Variants in SULF1 observed in about 807,000 individuals in gnomAD.
The protein encoded by SULF1 is sulfatase 1, also known as extracellular sulfatase Sulf-1.
Under a neutral mutation model 110.5 loss-of-function variants are expected in SULF1, and 46 were observed. The ratio of observed to expected loss-of-function variants is 0.42; its 90% confidence interval spans 0.33 to 0.53. SULF1 has a LOEUF of 0.53. SULF1 is among the 20% of genes least tolerant of loss of function. The pLI is 0.12. For missense variants in SULF1, 941 were observed against 1,094.2 expected (o/e 0.86, Z 1.98); for synonymous variants, 371 against 387.1 (o/e 0.96, Z 0.49).
chr8:69,600,300 A>G (rs763055324), intron 8 of SULF1, among the ~76,000 whole-genome samples: 28 of 152,116 alleles, frequency 1.8e-4, no homozygotes, highest in Non-Finnish European at 3.8e-4. Context: ...ACATAACCAT[A>G]ATCATCTTGG....
chr8:69,520,664 CT>C (rs1203332216), intron 3 of SULF1, among the ~76,000 whole-genome samples: 3 of 152,164 alleles, frequency 2.0e-5, no homozygotes, highest in Non-Finnish European at 4.4e-5. Context: ...ACATTTCCCC[CT>C]TTGGTTTACA....
rs149994968 is a variant in SULF1, at chr8:69,660,012, G to A, written c.*1477G>A. 97 of 152,680 alleles carry A rather than the reference G, an allele frequency of 6.4e-4. No homozygotes were observed. The highest frequency in any genetic ancestry group is 3.4e-4 in the Non-Finnish European group (23 of 68,026). The allele number at this position is 152,680 out of a possible 1,614,324, so 9.5% of individuals were successfully genotyped here. A position where few individuals can be genotyped will look rare whatever the true frequency, so the allele number is the denominator to read the frequency against. ...TAAAATCGATTAGCAGAAAGGCATG[G>A]CTAATAATGTTGGTGGTGAAAATAA... is the stretch of plus-strand genomic sequence containing the variant. On this transcript the variant is annotated 3_prime_UTR_variant, in exon 23 of 23. Coordinates refer to ENST00000402687, the MANE Select transcript of SULF1 (RefSeq NM_001128205.2).
intron 3 of SULF1, among the ~76,000 whole-genome samples, chr8:69,537,981 G>C (rs1174762676): frequency 1.4e-5 from 2 of 138,980 alleles, no homozygotes; most frequent in Non-Finnish European, 3.1e-5. Context: ...TTTTTTTTTA[G>C]ACGGAGTCTC....
upstream of SULF1, among the ~76,000 whole-genome samples, chr8:69,492,459 A>C (rs1412855536): frequency 6.6e-6 from 1 of 152,196 alleles, no homozygotes; most frequent in Non-Finnish European, 1.5e-5. Flanking sequence ...ATCAGTGTTT[A>C]CTAAGCACTT....
chr8:69,502,979 A>G (rs1978928), intron 3 of SULF1, among the ~76,000 whole-genome samples: 121,641 of 151,996 alleles, frequency 0.8, 48,718 homozygotes, highest in East Asian at 0.9. Context: ...GAGCCACCAC[A>G]ACCAGCCTGC....
chr8:69,507,423 A>G (rs892163471), intron 3 of SULF1, among the ~76,000 whole-genome samples: 23 of 152,156 alleles, frequency 1.5e-4, no homozygotes, highest in African/African-American at 5.6e-4. Context: ...CAAATATTCA[A>G]TTTTAGGTTC....
chr8:69,533,647 C>G (rs77813747), intron 3 of SULF1, among the ~76,000 whole-genome samples: 14,036 of 152,140 alleles, frequency 0.092, 1,251 homozygotes, highest in East Asian at 0.41. Context: ...TTTATCCAGT[C>G]TATCATTGAT....
intron 3 of SULF1, among the ~76,000 whole-genome samples, chr8:69,530,474 T>C (rs1295258976): frequency 6.6e-6 from 1 of 152,170 alleles, no homozygotes; most frequent in Non-Finnish European, 1.5e-5. Flanking sequence ...CCACTCCTTA[T>C]TACAAATAAA....
chr8:69,508,984 G>A (rs1407190233), intron 3 of SULF1, among the ~76,000 whole-genome samples: 2 of 152,152 alleles, frequency 1.3e-5, no homozygotes, highest in East Asian at 3.8e-4. Context: ...TGTGCTGAGA[G>A]TCAAGATATC....
At position 69,568,584 on chromosome 8, in the gene SULF1, A is replaced by G. The variant is rs1327517624; in HGVS notation, c.172+4437A>G. ...GAGTTGGGTGGGTAGGACAAAGATC[A>G]TCATCCCAGGAGGAAACAGCCTGTG... On this transcript the variant is annotated intron_variant, in intron 5 of 22. Coordinates refer to ENST00000402687, the MANE Select transcript of SULF1 (RefSeq NM_001128205.2). Among the ~76,000 whole-genome samples, 4 of 152,246 alleles carry G rather than the reference A, an allele frequency of 2.6e-5. No homozygotes were observed. In the East Asian group the frequency reaches 7.7e-4, roughly 29 times the overall value.
At chr8:69,643,692 T>C (rs1318578954) in intron 22 of SULF1, among the ~76,000 whole-genome samples, 2 of 152,206 alleles carry the variant, frequency 1.3e-5, no homozygotes, top group Non-Finnish European at 2.9e-5. Context: ...TCTTTTCTTT[T>C]CTCTTCCTTT....
intron 6 of SULF1, among the ~76,000 whole-genome samples, chr8:69,577,822 G>C (rs56401903): frequency 6.6e-6 from 1 of 152,026 alleles, no homozygotes; most frequent in Non-Finnish European, 1.5e-5. Flanking sequence ...TGAGCTAGTC[G>C]GTGATGGAAT....
At chr8:69,591,655 ATG>A (rs1280584563) in intron 8 of SULF1, among the ~76,000 whole-genome samples, 2 of 152,294 alleles carry the variant, frequency 1.3e-5, no homozygotes, top group African/African-American at 4.8e-5. Flanking sequence ...TCAGTGCCAC[ATG>A]TGACACTATG....
intron 1 of SULF1, among the ~76,000 whole-genome samples, chr8:69,480,464 TC>T (rs1809471449): frequency 6.6e-6 from 1 of 152,210 alleles, no homozygotes; most frequent in Admixed American, 6.5e-5. Flanking sequence ...AGTTGAACTG[TC>T]CCCTTAGTAA....
At position 69,621,022 on chromosome 8, in the gene SULF1, T is replaced by C. The variant is rs370932856; in HGVS notation, c.1378-13T>C. ...GCAGAATCGGTAAACTGCTTTCACGTTGGCTTTTGCAGAAGTGGCAATGCA... is the reference window on the plus strand; with the variant it reads ...GCAGAATCGGTAAACTGCTTTCACGCTGGCTTTTGCAGAAGTGGCAATGCA... On this transcript the variant is annotated splice_polypyrimidine_tract_variant and intron_variant, in intron 13 of 22. Coordinates refer to ENST00000402687, the MANE Select transcript of SULF1 (RefSeq NM_001128205.2). 1.3e-6 allele frequency: 2 copies of C among 1,584,036 alleles called. No individual in the cohort carries two copies. The highest frequency in any genetic ancestry group is 1.1e-5 in the South Asian group (1 of 88,870).
chr8:69,545,018 A>G (rs974378512), intron 3 of SULF1, among the ~76,000 whole-genome samples: 1 of 152,126 alleles, frequency 6.6e-6, no homozygotes, highest in Non-Finnish European at 1.5e-5. Context: ...TAAAGAAGCT[A>G]AAGAGCAATT....
At chr8:69,555,929 T>G (rs892666398) in intron 3 of SULF1, among the ~76,000 whole-genome samples, 2 of 152,224 alleles carry the variant, frequency 1.3e-5, no homozygotes, top group African/African-American at 4.8e-5. Flanking sequence ...TAAAAATTTT[T>G]GCATTGCGCC....
At chr8:69,528,634 G>C (rs1405869658) in intron 3 of SULF1, among the ~76,000 whole-genome samples, 2 of 152,164 alleles carry the variant, frequency 1.3e-5, no homozygotes, top group Non-Finnish European at 2.9e-5. Flanking sequence ...TTAGAAGAAA[G>C]GGTCATACCA....
chr8:69,657,816 A>T (rs1332544185), intron 22 of SULF1, among the ~76,000 whole-genome samples: 1 of 152,232 alleles, frequency 6.6e-6, no homozygotes, highest in Non-Finnish European at 1.5e-5. Flanking sequence ...GCAGGGCTAC[A>T]GTCATCCTGG....
Sources: allele counts gnomAD v4.1 joint callset (sites outside exome capture counted in the v4.1 genomes callset), GRCh38; gene constraint gnomAD v4.1.1; transcripts MANE v1.5; gene names NCBI Gene and HGNC (gene_info 2026-07-23, HGNC 2026-07-21).